The following HSPA12A variants were observed in gnomAD, a reference collection of about 807,000 sequenced individuals.
The protein encoded by HSPA12A is heat shock protein family A (Hsp70) member 12A.
A neutral mutation model predicts 69.2 loss-of-function variants in HSPA12A; 28 were observed. That is an observed-to-expected ratio of 0.40 (90% CI 0.30 to 0.55). HSPA12A has a LOEUF of 0.55. Ranked by LOEUF, HSPA12A falls within the 20% of genes least tolerant of loss-of-function variation. HSPA12A has a pLI of 0.38. For synonymous variants in HSPA12A, 345 were observed against 370.5 expected, an observed-to-expected ratio of 0.93 and a Z score of 0.79; for missense variants, 686 against 900.7, an observed-to-expected ratio of 0.76 and a Z score of 3.05.
intron 2 of HSPA12A, among the ~76,000 whole-genome samples, chr10:116,788,849 T>C (rs1844636888): frequency 6.6e-6 from 1 of 150,968 alleles, no homozygotes; most frequent in African/African-American, 2.4e-5. Flanking sequence ...ATCCATCTGG[T>C]AGAATTCTAC....
intron 5 of HSPA12A, among the ~76,000 whole-genome samples, chr10:116,696,211 T>G (rs1260440194): frequency 6.6e-6 from 1 of 151,954 alleles, no homozygotes; most frequent in Non-Finnish European, 1.5e-5. Context: ...TTTCATAAAT[T>G]CCCCAGTTTG....
Position 116,742,415 on chromosome 10 carries a change from G to A in HSPA12A, c.40+15C>T. Reference sequence around the variant, plus strand: ...CCCGCCAGCCGCGGCCGCAGGACCCGCAGCCTGCGCTCACCTCGGGGCCCG... The same window carrying A: ...CCCGCCAGCCGCGGCCGCAGGACCCACAGCCTGCGCTCACCTCGGGGCCCG... On this transcript the variant is annotated intron_variant, in intron 1 of 11. Coordinates refer to ENST00000369209, the MANE Select transcript of HSPA12A (RefSeq NM_025015.3). 2.8e-6 allele frequency: 4 copies of A among 1,434,074 alleles called. No homozygotes were observed. The highest frequency in any genetic ancestry group is 2.7e-5 in the South Asian group (2 of 75,204). The allele number at this position is 1,434,074 out of a possible 1,614,324, so 88.8% of individuals were successfully genotyped here.
chr10:116,681,668 G>A lies in HSPA12A; in HGVS notation c.922+123C>T, dbSNP rs527596469. The A allele has an allele frequency of 3.7e-5, 28 of 752,772 alleles. No individual in the cohort carries two copies. The South Asian group carries it at 4.8e-4, about 13-fold the overall frequency. The allele number at this position is 752,772 out of a possible 1,614,324, so 46.6% of individuals were successfully genotyped here. A position where few individuals can be genotyped will look rare whatever the true frequency, so the allele number is the denominator to read the frequency against. On this transcript the variant is annotated intron_variant, in intron 8 of 11. Transcript: ENST00000369209. ...TCCCAAAAGAGCTCTCCCTGCATGA[G>A]TGGTCTTTAGAACCCACTGAGTTTG...
At chr10:116,837,866 A>C (rs1845743508) in intron 1 of HSPA12A, among the ~76,000 whole-genome samples, 1 of 152,172 alleles carries the variant, frequency 6.6e-6, no homozygotes, top group Non-Finnish European at 1.5e-5. Context: ...CTGATTCCCG[A>C]ATATGAAGAA....
chr10:116,806,095 G>A (rs980724223), intron 2 of HSPA12A, among the ~76,000 whole-genome samples: 1 of 152,228 alleles, frequency 6.6e-6, no homozygotes, highest in African/African-American at 2.4e-5. Context: ...GCTGACAAGT[G>A]TGTCATGGGC....
Position 116,751,420 on chromosome 10 carries a change from A to T in HSPA12A, c.92-44135T>A, listed in dbSNP as rs144521052. On this transcript the variant is annotated intron_variant, in intron 2 of 12. Coordinates refer to the HSPA12A transcript ENST00000635765. ...TACATTTTGCATTATTGTGGAATGCATATGCGTTGTGCACTCCACAATATA... is the reference window on the plus strand; with the variant it reads ...TACATTTTGCATTATTGTGGAATGCTTATGCGTTGTGCACTCCACAATATA... 6.8e-3 allele frequency among the ~76,000 whole-genome samples: 1,041 copies of T among 152,332 alleles called. 11 individuals carry two copies. Among genetic ancestry groups the T allele is most frequent in the African/African-American group, 0.024 (987 of 41,582 alleles).
chr10:116,841,934 G>A (rs1187832949), intron 1 of HSPA12A, among the ~76,000 whole-genome samples: 1 of 151,908 alleles, frequency 6.6e-6, no homozygotes, highest in Non-Finnish European at 1.5e-5. Flanking sequence ...AATAATTAAC[G>A]TAAAGTCAAG....
At chr10:116,751,735 G>A (rs1467207862) in intron 2 of HSPA12A, among the ~76,000 whole-genome samples, 2 of 152,130 alleles carry the variant, frequency 1.3e-5, no homozygotes, top group Non-Finnish European at 2.9e-5. Flanking sequence ...TGTTGGAGGT[G>A]GGACCTGGTG....
chr10:116,774,849 G>T (rs1589698439), intron 2 of HSPA12A, among the ~76,000 whole-genome samples: 2 of 152,074 alleles, frequency 1.3e-5, no homozygotes, highest in South Asian at 2.1e-4. Flanking sequence ...GCCCCTGCAG[G>T]CCCCAGTCCT....
At chr10:116,792,041 T>C (rs372554511) in intron 2 of HSPA12A, among the ~76,000 whole-genome samples, 56 of 152,032 alleles carry the variant, frequency 3.7e-4, no homozygotes, top group African/African-American at 1.2e-3. Flanking sequence ...AATGTAATAA[T>C]GATATCATTA....
At chr10:116,743,054 G>A (rs1851566949), upstream of HSPA12A, among the ~76,000 whole-genome samples, 1 of 152,070 alleles carries the variant, frequency 6.6e-6, no homozygotes, top group Admixed American at 6.5e-5. Context: ...CGGGCTGGGT[G>A]GACCCCGGCG....
intron 2 of HSPA12A, among the ~76,000 whole-genome samples, chr10:116,776,370 C>T (rs144772122): frequency 5.8e-4 from 88 of 152,346 alleles, no homozygotes; most frequent in African/African-American, 1.8e-3. Flanking sequence ...AGTGCTTTCT[C>T]CTCTGCCTTC....
intron 2 of HSPA12A, among the ~76,000 whole-genome samples, chr10:116,756,861 G>T (rs1190687029): frequency 6.6e-6 from 1 of 152,114 alleles, no homozygotes; most frequent in African/African-American, 2.4e-5. Context: ...ATGAATTGAG[G>T]GTGGGCCAGT....
chr10:116,825,084 G>A (rs1845478194), intron 2 of HSPA12A, among the ~76,000 whole-genome samples: 1 of 151,806 alleles, frequency 6.6e-6, no homozygotes, highest in Non-Finnish European at 1.5e-5. Flanking sequence ...GCTACTGGGG[G>A]GCTGTGGTGG....
intron 2 of HSPA12A, among the ~76,000 whole-genome samples, chr10:116,706,070 AT>A (rs1315976752): frequency 2.0e-5 from 3 of 150,772 alleles, no homozygotes; most frequent in Middle Eastern, 3.4e-3. Flanking sequence ...AATTTCTTGT[AT>A]TTTTTAGTAG....
At chr10:116,698,772 A>C (rs1554881241) in intron 4 of HSPA12A, 33 bp from the exon 5 acceptor site, 1 of 1,528,180 alleles carries the variant, frequency 6.5e-7, no homozygotes, top group Non-Finnish European at 9.1e-7. Context: ...TAGTAAGAAG[A>C]TGACACAGGA....
At chr10:116,693,137 C>T (rs1288337648) in intron 5 of HSPA12A, among the ~76,000 whole-genome samples, 1 of 152,178 alleles carries the variant, frequency 6.6e-6, no homozygotes, top group African/African-American at 2.4e-5. Context: ...CACAGTGATG[C>T]TTACCAGCCG....
At chr10:116,690,683 T>C (rs1849709856) in intron 6 of HSPA12A, among the ~76,000 whole-genome samples, 1 of 152,182 alleles carries the variant, frequency 6.6e-6, no homozygotes, top group South Asian at 2.1e-4. Context: ...CCCCAGGGAT[T>C]TGGTGCCCTC....
chr10:116,761,314 C>T (rs189392765), intron 2 of HSPA12A, among the ~76,000 whole-genome samples: 249 of 151,936 alleles, frequency 1.6e-3, no homozygotes, highest in Admixed American at 2.6e-3. Context: ...GGTGAAACAC[C>T]GTCTCTACTA....
Sources: allele counts gnomAD v4.1 joint callset (sites outside exome capture counted in the v4.1 genomes callset), GRCh38; gene constraint gnomAD v4.1.1; transcripts MANE v1.5; gene names NCBI Gene and HGNC (gene_info 2026-07-23, HGNC 2026-07-21).